TSHZ3: variants seen among roughly 807,000 people sequenced by gnomAD.
TSHZ3 encodes teashirt zinc finger homeobox 3.
Under a neutral mutation model 64.5 loss-of-function variants are expected in TSHZ3, and 10 were observed. The ratio of observed to expected loss-of-function variants is 0.16; its 90% CI spans 0.10 to 0.26. The LOEUF (loss-of-function observed/expected upper bound fraction) is 0.26. Ranked by LOEUF, TSHZ3 falls within the 10% of genes least tolerant of loss-of-function variation. The pLI is 1.00. For missense variants in TSHZ3, 1,242 were observed against 1,421.7 expected, an observed-to-expected ratio of 0.87 and a Z score of 2.03; for synonymous variants, 608 against 593.1, an observed-to-expected ratio of 1.03 and a Z score of -0.36.
rs924220383 is a variant in TSHZ3 at position 31,150,772 on chromosome 19, G to A, written n.1844C>T. ...TGTAGTTCTGAAGCAAGGAATGGGC[G>A]TTGGGCACACCTGTACCACCGAAGT... On this transcript the variant is annotated non_coding_transcript_exon_variant, in exon 7 of 7. Coordinates refer to the TSHZ3 transcript ENST00000651361. Among the ~76,000 whole-genome samples, 9 of 152,078 alleles carry A rather than the reference G, an allele frequency of 5.9e-5. 2 individuals carry two copies. The South Asian group carries it at 1.2e-3, about 21-fold the overall frequency.
downstream of TSHZ3, among the ~76,000 whole-genome samples, chr19:31,270,020 G>A (rs567071765): frequency 2.0e-5 from 3 of 152,190 alleles, no homozygotes; most frequent in African/African-American, 7.2e-5. Flanking sequence ...GCAGAGCAAG[G>A]TCACGACTAC....
intron 1 of TSHZ3, among the ~76,000 whole-genome samples, chr19:31,264,788 C>T (rs1277412852): frequency 6.6e-6 from 1 of 151,706 alleles, no homozygotes; most frequent in Admixed American, 6.6e-5. Context: ...TCACATTTTG[C>T]AACCTGTGCC....
chr19:31,334,695 A>G lies in TSHZ3; in HGVS notation c.40+14485T>C, dbSNP rs566879620. On this transcript the variant is annotated intron_variant, in intron 1 of 1. Coordinates refer to ENST00000240587, the MANE Select transcript of TSHZ3 (RefSeq NM_020856.4). ...CATCACTTAGATAGAACACTCAAAT[A>G]TCAAGTTGATGCGGGGGTCAGTGGA... 1.5e-3 allele frequency among the ~76,000 whole-genome samples: 235 copies of G among 152,304 alleles called. 7 individuals are homozygous for G. The South Asian group carries it at 0.047, about 31-fold the overall frequency.
chr19:31,226,959 CTCTT>C (rs1174328128), intron 4 of TSHZ3, among the ~76,000 whole-genome samples: 33 of 115,192 alleles, frequency 2.9e-4, no homozygotes, highest in African/African-American at 5.7e-4. Context: ...TCTTTTTCTT[CTCTT>C]TCTTTCTTTC....
intron 1 of TSHZ3, among the ~76,000 whole-genome samples, chr19:31,322,137 T>G (rs1007722973): frequency 1.6e-4 from 24 of 151,522 alleles, no homozygotes; most frequent in African/African-American, 2.9e-4. Context: ...TGTTTGTTTG[T>G]TTTTTTTTGT....
chr19:31,203,713 G>A (rs1010155625), intron 5 of TSHZ3, among the ~76,000 whole-genome samples: 4 of 152,084 alleles, frequency 2.6e-5, no homozygotes, highest in Admixed American at 6.5e-5. Flanking sequence ...AGAGGGAAAC[G>A]ATGGGTGGTA....
chr19:31,348,849 C>T, intron 1 of TSHZ3: 1 of 301,030 alleles, frequency 3.3e-6, no homozygotes. Context: ...GGTGACCCCG[C>T]CCGCCACCCA....
chr19:31,189,490 T>G (rs954189435), intron 5 of TSHZ3, among the ~76,000 whole-genome samples: 1 of 152,118 alleles, frequency 6.6e-6, no homozygotes, highest in South Asian at 2.1e-4. Context: ...TTTTTTCCTT[T>G]TGATGAGTAG....
At chr19:31,237,217 T>C (rs1197079774) in intron 3 of TSHZ3, among the ~76,000 whole-genome samples, 2 of 152,174 alleles carry the variant, frequency 1.3e-5, no homozygotes, top group Non-Finnish European at 2.9e-5. Context: ...TTGGAGACTG[T>C]TCAATTTTTT....
At chr19:31,185,924 T>C (rs936838017) in intron 5 of TSHZ3, among the ~76,000 whole-genome samples, 3 of 152,218 alleles carry the variant, frequency 2.0e-5, no homozygotes, top group African/African-American at 7.2e-5. Flanking sequence ...AATGGAATTC[T>C]ACAGAATGAA....
chr19:31,268,430 A>C (rs1976086322), intron 1 of TSHZ3, among the ~76,000 whole-genome samples: 1 of 151,916 alleles, frequency 6.6e-6, no homozygotes, highest in South Asian at 2.1e-4. Context: ...TTCCAGAACC[A>C]TGGCCCTTTT....
At chr19:31,202,801 G>T (rs1055951364) in intron 5 of TSHZ3, among the ~76,000 whole-genome samples, 2 of 152,172 alleles carry the variant, frequency 1.3e-5, no homozygotes, top group African/African-American at 2.4e-5. Context: ...CATCAAAATT[G>T]CCCTGGCACA....
chr19:31,323,936 C>A (rs1230363857), intron 1 of TSHZ3, among the ~76,000 whole-genome samples: 1 of 149,948 alleles, frequency 6.7e-6, no homozygotes, highest in African/African-American at 2.4e-5. Flanking sequence ...GCAGGATAGG[C>A]AGCCTAGGGC....
chr19:31,222,095 C>T (rs1975401022), intron 4 of TSHZ3, among the ~76,000 whole-genome samples: 1 of 152,162 alleles, frequency 6.6e-6, no homozygotes, highest in South Asian at 2.1e-4. Context: ...CTTTACCCTT[C>T]CCATCCATTC....
chr19:31,302,864 G>C lies in TSHZ3; in HGVS notation c.41-23112C>G, dbSNP rs188176510. On this transcript the variant is annotated intron_variant, in intron 1 of 1. Coordinates refer to ENST00000240587, the MANE Select transcript of TSHZ3 (RefSeq NM_020856.4). ...TCTAGCTCAATAAGGCCAAAATTTA[G>C]GGTGGATTCAGCATGGCCCATTGCT... Among the ~76,000 whole-genome samples, 525 of 152,288 alleles carry C rather than the reference G, an allele frequency of 3.4e-3. 7 individuals carry two copies. The highest frequency in any genetic ancestry group is 0.012 in the African/African-American group (495 of 41,546).
chr19:31,190,002 A>G (rs949161908), intron 5 of TSHZ3, among the ~76,000 whole-genome samples: 1 of 152,140 alleles, frequency 6.6e-6, no homozygotes, highest in African/African-American at 2.4e-5. Context: ...CTCTGTGTCT[A>G]ATATTAATAG....
At chr19:31,274,401 C>A (rs1976189248), downstream of TSHZ3, among the ~76,000 whole-genome samples, 1 of 152,194 alleles carries the variant, frequency 6.6e-6, no homozygotes, top group South Asian at 2.1e-4. Context: ...ACACCCCTGC[C>A]TGCTTATCTG....
intron 6 of TSHZ3, among the ~76,000 whole-genome samples, chr19:31,154,064 T>C (rs1420197107): frequency 6.6e-6 from 1 of 152,120 alleles, no homozygotes; most frequent in Non-Finnish European, 1.5e-5. Flanking sequence ...TAAGAGAACT[T>C]GCATGTTTCT....
chr19:31,157,910 C>T (rs575133010), intron 5 of TSHZ3, among the ~76,000 whole-genome samples: 22 of 152,298 alleles, frequency 1.4e-4, no homozygotes, highest in East Asian at 1.9e-4. Flanking sequence ...CTTCTAAGAC[C>T]GCTTTTCCCA....
Sources: gnomAD v4.1 joint callset for allele counts (sites outside exome capture counted in the v4.1 genomes callset) on GRCh38, gnomAD v4.1.1 for gene constraint, MANE v1.5 for transcripts, NCBI Gene and HGNC (gene_info 2026-07-23, HGNC 2026-07-21) for gene names.